Variants in FBXL7 observed in about 807,000 individuals in gnomAD.
FBXL7 encodes the protein F-box/LRR-repeat protein 7.
FBXL7 carries 12 observed loss-of-function variants against 38.3 expected under a neutral mutation model. The observed-to-expected ratio is 0.31, with a 90% CI of 0.20 to 0.51. The LOEUF is 0.51. Ranked by LOEUF, FBXL7 falls within the 20% of genes least tolerant of loss-of-function variation. The pLI is 0.98. For synonymous variants in FBXL7, 297 were observed against 300.9 expected, an observed-to-expected ratio of 0.99 and a Z score of 0.13; for missense variants, 567 against 676.4, an observed-to-expected ratio of 0.84 and a Z score of 1.79.
chr5:15,763,479 G>A (rs1005998518), intron 2 of FBXL7, among the ~76,000 whole-genome samples: 1 of 152,108 alleles, frequency 6.6e-6, no homozygotes, highest in East Asian at 1.9e-4. Flanking sequence ...AAAATTTTTG[G>A]CGAGTTCCAG....
chr5:15,661,080 A>G (rs1052223826), intron 2 of FBXL7, among the ~76,000 whole-genome samples: 1 of 152,210 alleles, frequency 6.6e-6, no homozygotes, highest in African/African-American at 2.4e-5. Flanking sequence ...TAGACAGTCC[A>G]TGTAATTTTT....
intron 2 of FBXL7, among the ~76,000 whole-genome samples, chr5:15,865,868 A>G (rs1033819534): frequency 6.6e-6 from 1 of 152,216 alleles, no homozygotes; most frequent in Admixed American, 6.5e-5. Context: ...AAAAAATTAA[A>G]AGTGCTTCAA....
intron 1 of FBXL7, among the ~76,000 whole-genome samples, chr5:15,503,048 T>G (rs1736540986): frequency 1.3e-5 from 2 of 152,210 alleles, no homozygotes; most frequent in Non-Finnish European, 2.9e-5. Context: ...TACTCTGTAC[T>G]TCTATATTTG....
intron 2 of FBXL7, among the ~76,000 whole-genome samples, chr5:15,799,369 T>TC (rs1737499810): frequency 6.7e-6 from 1 of 148,392 alleles, no homozygotes; most frequent in South Asian, 2.2e-4. Flanking sequence ...TTTTTTTTTT[T>TC]TTTTTTTTTG....
intron 2 of FBXL7, among the ~76,000 whole-genome samples, chr5:15,664,845 G>C (rs1008215784): frequency 1.4e-5 from 2 of 143,990 alleles, no homozygotes; most frequent in African/African-American, 5.2e-5. Context: ...TGCTTGTGTT[G>C]CTTTGGCCTT....
Position 15,677,474 on chromosome 5 carries a change from A to AAGAGAGAGTG in FBXL7, c.127+61410_127+61411insTGAGAGAGAG, listed in dbSNP as rs139865739. Among the ~76,000 whole-genome samples, 154 of 149,202 alleles carry AAGAGAGAGTG rather than the reference A, an allele frequency of 1.0e-3. 3 individuals are homozygous for AAGAGAGAGTG. In the East Asian group the frequency reaches 0.027, roughly 26 times the overall value. Reference sequence around the variant, plus strand: ...GCAGCAACACTCCAAAAAAGAAAGAAAGAGAGAGAGAGAGAGAAAGAAAGG... The same window carrying AAGAGAGAGTG: ...GCAGCAACACTCCAAAAAAGAAAGAAAGAGAGAGTGAGAGAGAGAGAGAGAGAAAGAAAGG... On this transcript the variant is annotated intron_variant, in intron 2 of 3. Coordinates refer to ENST00000504595, the MANE Select transcript of FBXL7 (RefSeq NM_012304.5).
At chr5:15,613,861 G>T (rs192526849) in intron 1 of FBXL7, among the ~76,000 whole-genome samples, 1 of 152,288 alleles carries the variant, frequency 6.6e-6, no homozygotes, top group Non-Finnish European at 1.5e-5. Flanking sequence ...CAGTTCTGGA[G>T]ACCGACAAGT....
chr5:15,733,708 C>T (rs1735673122), intron 2 of FBXL7, among the ~76,000 whole-genome samples: 1 of 152,136 alleles, frequency 6.6e-6, no homozygotes. Context: ...CAGGAATTGT[C>T]ATTTATTTAC....
chr5:15,721,009 CTT>C (rs1744181205), intron 2 of FBXL7, among the ~76,000 whole-genome samples: 1 of 151,978 alleles, frequency 6.6e-6, no homozygotes, highest in African/African-American at 2.4e-5. Context: ...TGATGTTTGA[CTT>C]TAATTCTGGA....
At chr5:15,711,248 A>G (rs1304857167) in intron 2 of FBXL7, among the ~76,000 whole-genome samples, 1 of 152,180 alleles carries the variant, frequency 6.6e-6, no homozygotes, top group Non-Finnish European at 1.5e-5. Context: ...TACTTGCCTC[A>G]TCCAGCTTCT....
chr5:15,854,486 A>G (rs946895440), intron 2 of FBXL7, among the ~76,000 whole-genome samples: 8 of 152,156 alleles, frequency 5.3e-5, no homozygotes, highest in Non-Finnish European at 2.9e-5. Flanking sequence ...GCTTTAGTGG[A>G]AAGGAAAGAA....
At chr5:15,863,458 G>T (rs766285266) in intron 2 of FBXL7, among the ~76,000 whole-genome samples, 6 of 152,262 alleles carry the variant, frequency 3.9e-5, no homozygotes, top group Non-Finnish European at 5.9e-5. Flanking sequence ...TGTGATCCAC[G>T]TGGGCTAGGG....
chr5:15,574,445 T>C (rs1417375590), intron 1 of FBXL7, among the ~76,000 whole-genome samples: 1 of 152,242 alleles, frequency 6.6e-6, no homozygotes, highest in Non-Finnish European at 1.5e-5. Flanking sequence ...ATGTACTTCA[T>C]TATTTTATGT....
At chr5:15,917,773 C>A (rs62348087) in intron 2 of FBXL7, among the ~76,000 whole-genome samples, 1 of 126,058 alleles carries the variant, frequency 7.9e-6, no homozygotes. Flanking sequence ...GAGGCTTATG[C>A]CTTTTTTTTT....
intron 2 of FBXL7, among the ~76,000 whole-genome samples, chr5:15,885,778 G>A (rs565629203): frequency 2.0e-5 from 3 of 152,090 alleles, no homozygotes; most frequent in Admixed American, 1.3e-4. Flanking sequence ...GTGTGATCAC[G>A]GCTCACCACA....
At chr5:15,858,658 A>G (rs928866507) in intron 2 of FBXL7, among the ~76,000 whole-genome samples, 6 of 152,208 alleles carry the variant, frequency 3.9e-5, no homozygotes, top group African/African-American at 1.4e-4. Context: ...TGAATCCACA[A>G]GGGAGCAAGC....
chr5:15,551,030 A>G (rs949969371), intron 1 of FBXL7, among the ~76,000 whole-genome samples: 2 of 152,262 alleles, frequency 1.3e-5, no homozygotes, highest in African/African-American at 4.8e-5. Context: ...GAAGTAAATG[A>G]AAATCCACTT....
At chr5:15,757,616 C>T (rs1736331953) in intron 2 of FBXL7, among the ~76,000 whole-genome samples, 1 of 151,940 alleles carries the variant, frequency 6.6e-6, no homozygotes, top group African/African-American at 2.4e-5. Flanking sequence ...ACAGAAGAAT[C>T]TCAGATTTTC....
At chr5:15,637,336 G>T (rs1227883549) in intron 2 of FBXL7, among the ~76,000 whole-genome samples, 1 of 152,184 alleles carries the variant, frequency 6.6e-6, no homozygotes, top group Non-Finnish European at 1.5e-5. Flanking sequence ...CATCTTTGGG[G>T]ATAGTGTCAG....
Sources: allele counts gnomAD v4.1 joint callset (sites outside exome capture counted in the v4.1 genomes callset), GRCh38; gene constraint gnomAD v4.1.1; transcripts MANE v1.5; gene names NCBI Gene and HGNC (gene_info 2026-07-23, HGNC 2026-07-21).